EPHA6: variants seen among roughly 807,000 people sequenced by gnomAD.
EPHA6 encodes ephrin type-A receptor 6.
EPHA6 carries 50 observed loss-of-function variants against 112.0 expected under a neutral mutation model. That is an observed-to-expected ratio of 0.45 (90% CI 0.36 to 0.56). The LOEUF (loss-of-function observed/expected upper bound fraction) is 0.56. EPHA6 is among the 20% of genes least tolerant of loss of function. The probability of loss-of-function intolerance (pLI) is 0.00; values close to 1 mark genes in which losing one functional copy is unlikely to be tolerated. For missense variants in EPHA6, 1,280 were observed against 1,417.4 expected, an observed-to-expected ratio of 0.90 and a Z score of 1.56; for synonymous variants, 529 against 490.7, an observed-to-expected ratio of 1.08 and a Z score of -1.03.
At chr3:97,660,908 A>G (rs777299207) in intron 14 of EPHA6, among the ~76,000 whole-genome samples, 16 of 152,152 alleles carry the variant, frequency 1.1e-4, no homozygotes, top group Admixed American at 2.6e-4. Flanking sequence ...TATCTAAGAC[A>G]GTAGTCTTGT....
At chr3:96,817,139 A>C (rs1202179939) in intron 1 of EPHA6, among the ~76,000 whole-genome samples, 1 of 151,984 alleles carries the variant, frequency 6.6e-6, no homozygotes, top group Non-Finnish European at 1.5e-5. Context: ...AAATTGGATA[A>C]AATTTAGGTG....
intron 13 of EPHA6, among the ~76,000 whole-genome samples, chr3:97,623,978 G>A (rs994214270): frequency 1.3e-5 from 2 of 151,402 alleles, no homozygotes; most frequent in African/African-American, 2.4e-5. Context: ...GTTATCTAAG[G>A]TCCCTTGAAA....
intron 14 of EPHA6, among the ~76,000 whole-genome samples, chr3:97,705,547 A>T (rs752595523): frequency 1.3e-5 from 2 of 152,204 alleles, no homozygotes; most frequent in Non-Finnish European, 2.9e-5. Flanking sequence ...CACTGAGAAA[A>T]CATCAAAGAA....
In EPHA6 at chr3:97,470,779, C is replaced by T. The variant is rs551817831; in HGVS notation, c.1895-4573C>T. Among the ~76,000 whole-genome samples, 207 of 151,658 alleles carry T rather than the reference C, an allele frequency of 1.4e-3. 1 individual carries two copies. The highest frequency in any genetic ancestry group is 6.8e-3 in the Middle Eastern group (2 of 294). ...AATTCTTTTTGGATAATTGCTTCCT[C>T]TTAAGGAAGTATACTTCTTCCCAAA... is the stretch of plus-strand genomic sequence containing the variant. On this transcript the variant is annotated intron_variant, in intron 7 of 17. Coordinates refer to ENST00000389672, the MANE Select transcript of EPHA6 (RefSeq NM_001080448.3).
chr3:97,533,988 G>A (rs976203826), intron 11 of EPHA6, among the ~76,000 whole-genome samples: 1 of 152,086 alleles, frequency 6.6e-6, no homozygotes, highest in African/African-American at 2.4e-5. Flanking sequence ...CACAAAAGAT[G>A]ATTAAATGGT....
intron 1 of EPHA6, among the ~76,000 whole-genome samples, chr3:96,841,769 A>G (rs571033566): frequency 6.6e-6 from 1 of 152,252 alleles, no homozygotes; most frequent in South Asian, 2.1e-4. Context: ...GTATTTAACA[A>G]AAGTATACAT....
intron 2 of EPHA6, among the ~76,000 whole-genome samples, chr3:96,981,724 A>G (rs1462606324): frequency 6.6e-6 from 1 of 152,018 alleles, no homozygotes; most frequent in Non-Finnish European, 1.5e-5. Context: ...TATTGCCTCA[A>G]TTTCAGAGCT....
chr3:97,059,780 A>G lies in EPHA6; in HGVS notation c.1114+71787A>G, dbSNP rs557758328. Among the ~76,000 whole-genome samples, 10 of 151,762 alleles carry G rather than the reference A, an allele frequency of 6.6e-5. No homozygotes were observed. In the East Asian group the frequency reaches 1.9e-3, roughly 29 times the overall value. On this transcript the variant is annotated intron_variant, in intron 3 of 17. Transcript: ENST00000389672. ...TAAATAAATATTCATAATTATTCAA[A>G]TGTATTTCTCAAGTACAAATGTGTT...
At chr3:97,664,990 A>C (rs182208226) in intron 14 of EPHA6, among the ~76,000 whole-genome samples, 1 of 152,320 alleles carries the variant, frequency 6.6e-6, no homozygotes, top group Non-Finnish European at 1.5e-5. Context: ...TATGGAACCA[A>C]AAAAGAGCCT....
intron 5 of EPHA6, among the ~76,000 whole-genome samples, chr3:97,318,672 C>T (rs2081959570): frequency 6.6e-6 from 1 of 151,870 alleles, no homozygotes; most frequent in South Asian, 2.1e-4. Flanking sequence ...CTCACATCCT[C>T]CTTAATTCTC....
At chr3:96,845,081 A>G (rs985704236) in intron 1 of EPHA6, among the ~76,000 whole-genome samples, 1 of 152,030 alleles carries the variant, frequency 6.6e-6, no homozygotes, top group Non-Finnish European at 1.5e-5. Flanking sequence ...GTCCAAAGAT[A>G]AGATAAATAT....
intron 2 of EPHA6, among the ~76,000 whole-genome samples, chr3:96,964,201 A>G (rs923015848): frequency 2.4e-4 from 37 of 152,038 alleles, no homozygotes; most frequent in Non-Finnish European, 2.4e-4. Context: ...AAGATGTACA[A>G]TTATTATTGA....
chr3:96,947,501 T>C (rs542529114), intron 2 of EPHA6, among the ~76,000 whole-genome samples: 1 of 152,294 alleles, frequency 6.6e-6, no homozygotes, highest in African/African-American at 2.4e-5. Flanking sequence ...AGATGTGTGG[T>C]ATTATTTCTG....
At chr3:97,182,863 T>G (rs1219382924) in intron 3 of EPHA6, among the ~76,000 whole-genome samples, 1 of 152,120 alleles carries the variant, frequency 6.6e-6, no homozygotes, top group Non-Finnish European at 1.5e-5. Context: ...CAGCCTATGT[T>G]TTACTGAAAA....
chr3:97,341,563 C>A, intron 5 of EPHA6, among the ~76,000 whole-genome samples: 1 of 152,088 alleles, frequency 6.6e-6, no homozygotes, highest in South Asian at 2.1e-4. Flanking sequence ...CCATGTTGGC[C>A]AGGATGGTAT....
chr3:97,261,433 A>G (rs1230965585), intron 5 of EPHA6, among the ~76,000 whole-genome samples: 2 of 152,218 alleles, frequency 1.3e-5, no homozygotes, highest in Non-Finnish European at 2.9e-5. Flanking sequence ...ACAATTACAC[A>G]TGAACTTATG....
chr3:97,327,926 T>A (rs950124201), intron 5 of EPHA6, among the ~76,000 whole-genome samples: 1 of 126,992 alleles, frequency 7.9e-6, no homozygotes, highest in Admixed American at 8.3e-5. Flanking sequence ...TATATGTGCA[T>A]ATATATGTAT....
At chr3:97,441,491 T>C in intron 6 of EPHA6, 1 of 889,934 alleles carries the variant, frequency 1.1e-6, no homozygotes, top group Non-Finnish European at 1.3e-6. Flanking sequence ...GACATAATTA[T>C]ATTTAACCAT....
At position 96,987,538 on chromosome 3, in the gene EPHA6, A is replaced by G. The variant is rs1239242656; in HGVS notation, c.659A>G (p.Asn220Ser). 6.2e-7 allele frequency: 1 copy of G among 1,613,826 alleles called. No individual in the cohort carries two copies. The highest frequency in any genetic ancestry group is 1.3e-5 in the African/African-American group (1 of 74,916). The change falls in exon 3 of 18, where the codon AAT (asparagine) becomes AGT (serine). Residue 220 changes from asparagine (N) to serine (S), a missense_variant. Asn to Ser is a conservative substitution (Grantham distance 46). Around this residue, in one of 4 missense-constraint regions of EPHA6, gnomAD observed 878 missense variants for 999.7 expected, o/e 0.88. Coordinates refer to ENST00000389672, the MANE Select transcript of EPHA6 (RefSeq NM_001080448.3). ...WVLGTCKETF[N>S]LFYMESDESH... ...TTGGGGACTTGCAAAGAAACATTTAATCTGTTTTATATGGAATCAGATGAG... is the reference window on the plus strand; with the variant it reads ...TTGGGGACTTGCAAAGAAACATTTAGTCTGTTTTATATGGAATCAGATGAG...
Sources: allele counts gnomAD v4.1 joint callset (sites outside exome capture counted in the v4.1 genomes callset), GRCh38; gene constraint gnomAD v4.1.1; regional missense constraint gnomAD v4.1.1; transcripts MANE v1.5; gene names NCBI Gene and HGNC (gene_info 2026-07-23, HGNC 2026-07-21).